Variants in NUP188 observed in about 807,000 individuals in gnomAD.
The protein encoded by NUP188 is nucleoporin 188, also known as nucleoporin NUP188.
In NUP188, 97 loss-of-function variants were observed where a neutral mutation model predicts 223.0. The observed-to-expected ratio is 0.43, with a 90% CI of 0.37 to 0.51. The LOEUF (loss-of-function observed/expected upper bound fraction) is 0.51, where lower values mean the gene tolerates loss of function less well. Ranked by LOEUF, NUP188 falls within the 20% of genes least tolerant of loss-of-function variation. The pLI is 0.00. For synonymous variants in NUP188, 869 were observed against 828.0 expected (o/e 1.05, Z -0.85); for missense variants, 1,947 against 2,175.6 (o/e 0.89, Z 2.09).
chr9:128,947,775 G>T (rs1841707602), intron 1 of NUP188, 24 bp downstream of exon 1: 2 of 1,404,248 alleles, frequency 1.4e-6, no homozygotes, highest in Non-Finnish European at 9.3e-7. Flanking sequence ...CGAATGGACC[G>T]GGGTGGCTGT....
chr9:128,995,773 G>T (rs1284222764), intron 30 of NUP188, among the ~76,000 whole-genome samples: 8 of 152,166 alleles, frequency 5.3e-5, no homozygotes, highest in African/African-American at 1.9e-4. Context: ...CCTCCCTTAG[G>T]CCTTGGCTGG....
intron 34 of NUP188, among the ~76,000 whole-genome samples, chr9:129,000,556 A>G (rs1209035262): frequency 2.7e-5 from 4 of 148,728 alleles, no homozygotes; most frequent in South Asian, 2.2e-4. Context: ...CTGACCTCGT[A>G]ATCCGCCCGC....
At chr9:128,971,842 G>C (rs1842109878) in intron 11 of NUP188, among the ~76,000 whole-genome samples, 1 of 151,896 alleles carries the variant, frequency 6.6e-6, no homozygotes, top group South Asian at 2.1e-4. Context: ...GTGGATCTCA[G>C]CTCACTGCAA....
chr9:128,956,355 G>C lies in NUP188; in HGVS notation c.167G>C (p.Ser56Thr), dbSNP rs1342994940. ...GLSYYKPPSP[S>T]SAEKVKANKD... is the part of the protein sequence containing the mutation. ...ATTCACTGTTCTTTTTGTAGTCCAA[G>C]TTCAGCTGAAAAAGTGAAAGCTAAT... Residue 56 changes from serine (S) to threonine (T), a missense_variant, in exon 4 of 44, where the codon AGT becomes ACT. Ser to Thr is a moderately conservative substitution (Grantham distance 58). Around this residue, in one of 3 missense-constraint regions of NUP188, gnomAD observed 817 missense variants for 865.8 expected, o/e 0.94. Coordinates refer to ENST00000372577, the MANE Select transcript of NUP188 (RefSeq NM_015354.3). 6.4e-7 allele frequency: 1 copy of C among 1,566,928 alleles called. No homozygotes were observed. Among genetic ancestry groups the C allele is most frequent in the African/African-American group, 1.4e-5 (1 of 72,694 alleles).
Position 128,987,713 on chromosome 9 carries a change from C to T in NUP188, c.2389C>T (p.Arg797Ter). The T allele has an allele frequency of 2.5e-6, 4 of 1,613,342 alleles. No individual in the cohort carries two copies. Residue 797 changes from arginine (R) to a stop codon, truncating the protein, a stop_gained, in exon 23 of 44, where the codon CGA (arginine) becomes TGA (stop). Coordinates refer to ENST00000372577, the MANE Select transcript of NUP188 (RefSeq NM_015354.3). LOFTEE classifies it high-confidence loss of function. ...TIDMVMAAQP[R>*]SDGAEGQGQG... Reference sequence around the variant, plus strand: ...TGACATGGTGATGGCTGCTCAGCCTCGAAGGTAGGGCTCCTTCTCCACGTT... The same window carrying T: ...TGACATGGTGATGGCTGCTCAGCCTTGAAGGTAGGGCTCCTTCTCCACGTT...
At position 128,999,248 on chromosome 9, in the gene NUP188, C is replaced by T. The variant is rs1426159655; in HGVS notation, c.3592C>T (p.Leu1198Phe). The change falls in exon 33 of 44, where the codon CTC (leucine) becomes TTC (phenylalanine). Residue 1198 changes from leucine to phenylalanine, a missense_variant. By Grantham distance (22) the Leu-to-Phe change is conservative. Around this residue, in one of 3 missense-constraint regions of NUP188, gnomAD observed 905 missense variants for 990.6 expected, o/e 0.91. Coordinates refer to ENST00000372577, the MANE Select transcript of NUP188 (RefSeq NM_015354.3). Reference sequence around the variant, plus strand: ...GGGAGTGCTGCAGGCCGACCAGCAACTCATGGAGAAGACCAAGGCCAAGGT... The same window carrying T: ...GGGAGTGCTGCAGGCCGACCAGCAATTCATGGAGAAGACCAAGGCCAAGGT... ...LEGVLQADQQ[L>F]MEKTKAKVFS... 1 of 1,614,168 alleles carries T rather than the reference C, an allele frequency of 6.2e-7. No individual in the cohort carries two copies. The highest frequency in any genetic ancestry group is 8.5e-7 in the Non-Finnish European group (1 of 1,180,014).
At chr9:128,989,193 C>T (rs931081443) in intron 24 of NUP188, among the ~76,000 whole-genome samples, 3 of 151,602 alleles carry the variant, frequency 2.0e-5, no homozygotes, top group East Asian at 2.0e-4. Context: ...TCCAGGAGTT[C>T]GAGACCAGCT....
chr9:128,983,249 G>T, intron 17 of NUP188, 44 bp from the exon 18 acceptor site: 1 of 1,541,432 alleles, frequency 6.5e-7, no homozygotes, highest in Non-Finnish European at 9.0e-7. Context: ...GGAACCAGTT[G>T]TATTATTTGC....
intron 22 of NUP188, among the ~76,000 whole-genome samples, chr9:128,987,242 T>C (rs1294756537): frequency 6.6e-6 from 1 of 152,094 alleles, no homozygotes; most frequent in Non-Finnish European, 1.5e-5. Flanking sequence ...AGTTACTATG[T>C]ATTCTTGGTT....
chr9:128,958,341 T>C (rs2131142832), intron 6 of NUP188, among the ~76,000 whole-genome samples: 1 of 152,348 alleles, frequency 6.6e-6, no homozygotes, highest in Non-Finnish European at 1.5e-5. Context: ...TTTATTTCTT[T>C]ATTCTTCAGT....
Position 129,006,007 on chromosome 9 carries a change from G to A in NUP188, c.4870-43G>A, listed in dbSNP as rs145607981. The A allele has an allele frequency of 8.7e-6, 14 of 1,604,472 alleles. No individual in the cohort carries two copies. The East Asian group carries it at 2.5e-4, about 28-fold the overall frequency. ...AGTAGGAAGCTCTCAGTAAGTGGGA[G>A]CTGTTCCTGTTGTCTTAGTTTTTTA... On this transcript the variant is annotated intron_variant, in intron 41 of 43. Transcript: ENST00000372577.
intron 12 of NUP188, among the ~76,000 whole-genome samples, chr9:128,975,552 C>T (rs1185775600): frequency 2.0e-5 from 3 of 151,270 alleles, no homozygotes; most frequent in Non-Finnish European, 2.9e-5. Context: ...CGGAGTCTCG[C>T]TCTGTCGCCC....
chr9:128,967,908 C>T lies in NUP188; in HGVS notation c.586-598C>T, dbSNP rs143929121. On this transcript the variant is annotated intron_variant, in intron 8 of 43. Coordinates refer to ENST00000372577, the MANE Select transcript of NUP188 (RefSeq NM_015354.3). The stretch of plus-strand genomic sequence containing the variant: ...CCCGGTGGGTCAAAGCTGCAGTGAG[C>T]TGTGGGTGTACTCTGGGTGTACTCT... 3.3e-5 allele frequency among the ~76,000 whole-genome samples: 5 copies of T among 152,170 alleles called. No individual in the cohort carries two copies. In the East Asian group the frequency reaches 9.7e-4, roughly 30 times the overall value.
intron 30 of NUP188, among the ~76,000 whole-genome samples, chr9:128,997,549 G>A: frequency 6.6e-6 from 1 of 152,112 alleles, no homozygotes; most frequent in East Asian, 1.9e-4. Context: ...GAGTGCAGTG[G>A]TGCAATCATG....
chr9:128,971,707 C>T (rs1222091829), intron 11 of NUP188, among the ~76,000 whole-genome samples: 2 of 152,138 alleles, frequency 1.3e-5, no homozygotes, highest in South Asian at 2.1e-4. Flanking sequence ...CGTGAGCCAC[C>T]GTGCCCAGCT....
chr9:128,988,133 T>C lies in NUP188; in HGVS notation c.2480T>C (p.Leu827Pro). 6.2e-7 allele frequency: 1 copy of C among 1,614,248 alleles called. No individual in the cohort carries two copies. Among genetic ancestry groups the C allele is most frequent in the Non-Finnish European group, 8.5e-7 (1 of 1,180,032 alleles). ...AFSVTNNVIR[L>P]KPPSNVVSPL... Reference sequence around the variant, plus strand: ...TCCGTCACCAACAATGTTATTCGGCTGAAACCTCCTTCTAATGTGGTGTCC... The same window carrying C: ...TCCGTCACCAACAATGTTATTCGGCCGAAACCTCCTTCTAATGTGGTGTCC... The change falls in exon 24 of 44, where the codon CTG becomes CCG. Residue 827 changes from leucine (L) to proline (P), a missense_variant. By Grantham distance (98) the Leu-to-Pro change is moderately conservative. Around this residue, in one of 3 missense-constraint regions of NUP188, gnomAD observed 225 missense variants for 319.1 expected, o/e 0.71. Coordinates refer to ENST00000372577, the MANE Select transcript of NUP188 (RefSeq NM_015354.3).
rs1256816988 is a variant in NUP188 at position 128,969,523 on chromosome 9, G to A, written c.912+9G>A. On this transcript the variant is annotated intron_variant, in intron 10 of 43. Transcript: ENST00000372577. ...ATGGGCTTATTTGTCAGGTGACTTG[G>A]AATAGCCTCTTTTTTTTCAGAGGGT... 1 of 1,461,812 alleles carries A rather than the reference G, an allele frequency of 6.8e-7. No individual in the cohort carries two copies. Among genetic ancestry groups the A allele is most frequent in the South Asian group, 1.3e-5 (1 of 76,524 alleles). 90.6% of individuals were successfully genotyped at this position (1,461,812 alleles called of 1,614,324 possible). A position where few individuals can be genotyped will look rare whatever the true frequency, so the allele number is the denominator to read the frequency against.
chr9:129,002,830 C>G lies in NUP188; in HGVS notation c.4151C>G (p.Ser1384Cys), dbSNP rs201432717. ...TTTGTATCTTAGACACCTAGTGCCT[C>G]TCGGAAGTCCCTGGATGCCCCCTCT... ...TNGTAQTPSA[S>C]RKSLDAPSWP... Residue 1384 changes from serine (S) to cysteine (C), a missense_variant, in exon 37 of 44, where the codon TCT (serine) becomes TGT (cysteine). By Grantham distance (112) the Ser-to-Cys change is moderately radical. This residue lies in a region of NUP188 where 905 missense variants were observed against 990.6 expected (regional missense o/e 0.91). Transcript: ENST00000372577. The G allele has an allele frequency of 1.3e-4, 213 of 1,613,948 alleles. No homozygotes were observed. The highest frequency in any genetic ancestry group is 1.7e-4 in the Non-Finnish European group (206 of 1,179,986).
At chr9:128,990,917 C>G (rs1228437874) in intron 25 of NUP188, among the ~76,000 whole-genome samples, 1 of 151,782 alleles carries the variant, frequency 6.6e-6, no homozygotes, top group Non-Finnish European at 1.5e-5. Context: ...TACTTGGGAG[C>G]CTGAGGCAGA....
Sources: allele counts gnomAD v4.1 joint callset (sites outside exome capture counted in the v4.1 genomes callset), GRCh38; gene constraint gnomAD v4.1.1; regional missense constraint gnomAD v4.1.1; transcripts MANE v1.5; gene names NCBI Gene and HGNC (gene_info 2026-07-23, HGNC 2026-07-21).